Variants in ZC3H11A observed in about 807,000 individuals in gnomAD.
ZC3H11A encodes zinc finger CCCH-type containing 11A.
In ZC3H11A, 22 loss-of-function variants were observed where a neutral mutation model predicts 90.8. The observed-to-expected ratio is 0.24, with a 90% confidence interval of 0.17 to 0.35. The LOEUF is 0.35. Among genes scored for constraint, ZC3H11A ranks in the 10% least tolerant of loss-of-function variants. ZC3H11A has a pLI of 1.00. For synonymous variants in ZC3H11A, 294 were observed against 339.8 expected, an observed-to-expected ratio of 0.87 and a Z score of 1.48; for missense variants, 701 against 964.9, an observed-to-expected ratio of 0.73 and a Z score of 3.62.
At chr1:203,827,307 C>A (rs993043915) in intron 4 of ZC3H11A, among the ~76,000 whole-genome samples, 3 of 151,498 alleles carry the variant, frequency 2.0e-5, no homozygotes, top group African/African-American at 4.8e-5. Flanking sequence ...GGACATACAT[C>A]CTATGATTCA....
intron 1 of ZC3H11A, chr1:203,796,657 G>T (rs1404684765): frequency 2.6e-6 from 1 of 390,374 alleles, no homozygotes; most frequent in Middle Eastern, 6.4e-4. Context: ...AATGGAAGTG[G>T]TTTAAAGTTC....
intron 1 of ZC3H11A, chr1:203,800,266 C>T: frequency 9.6e-7 from 1 of 1,045,290 alleles, no homozygotes. Context: ...AGTTGGCAAT[C>T]TGAATGTATC....
At chr1:203,824,148 G>A (rs1438156463) in intron 4 of ZC3H11A, among the ~76,000 whole-genome samples, 1 of 151,914 alleles carries the variant, frequency 6.6e-6, no homozygotes, top group Non-Finnish European at 1.5e-5. Flanking sequence ...CAGCCATGTA[G>A]TCCCAGCTAC....
intron 3 of ZC3H11A, among the ~76,000 whole-genome samples, chr1:203,818,168 G>A (rs1235836861): frequency 6.6e-6 from 1 of 152,086 alleles, no homozygotes; most frequent in African/African-American, 2.4e-5. Flanking sequence ...ATGCAGTGGA[G>A]CACAGTTATA....
chr1:203,840,752 G>C (rs531444967), intron 12 of ZC3H11A, among the ~76,000 whole-genome samples: 47 of 152,038 alleles, frequency 3.1e-4, no homozygotes, highest in African/African-American at 1.1e-3. Flanking sequence ...CCCTGCCTCA[G>C]CCTACCGAGT....
intron 9 of ZC3H11A, among the ~76,000 whole-genome samples, chr1:203,832,722 A>T (rs1355202162): frequency 6.6e-6 from 1 of 152,198 alleles, no homozygotes; most frequent in Non-Finnish European, 1.5e-5. Flanking sequence ...ATATAGATAT[A>T]TTTAAATGTT....
At position 203,835,848 on chromosome 1, in the gene ZC3H11A, C is replaced by A. The variant is rs11803892; in HGVS notation, c.874+1995C>A. On this transcript the variant is annotated intron_variant, in intron 10 of 17. Transcript: ENST00000367210. ...AATTTTAAGAAAAGCTATGTGCTCC[C>A]TTTTTTTCCGGAGACCCCACTTATA... 1.2e-3 allele frequency: 297 copies of A among 241,754 alleles called. 2 individuals carry two copies. Among genetic ancestry groups the A allele is most frequent in the African/African-American group, 6.4e-3 (278 of 43,120 alleles). 15.0% of individuals were successfully genotyped at this position (241,754 alleles called of 1,614,324 possible).
At chr1:203,807,472 GT>G (rs1304392868) in intron 2 of ZC3H11A, among the ~76,000 whole-genome samples, 1 of 150,984 alleles carries the variant, frequency 6.6e-6, no homozygotes, top group Admixed American at 6.6e-5. Context: ...TATTATGACT[GT>G]TTTTTGGGTT....
At chr1:203,800,562 G>T (rs1233040245) in intron 1 of ZC3H11A, 4 of 1,101,498 alleles carry the variant, frequency 3.6e-6, no homozygotes, top group Non-Finnish European at 4.8e-6. Context: ...AAACACATCT[G>T]GGGAAACCTG....
At chr1:203,800,196 A>G in intron 1 of ZC3H11A, 1 of 1,512,418 alleles carries the variant, frequency 6.6e-7, no homozygotes, top group Non-Finnish European at 8.9e-7. Flanking sequence ...GCAGAGGAAG[A>G]TAAGCATATG....
At chr1:203,845,873 A>C (rs1465276800) in intron 12 of ZC3H11A, among the ~76,000 whole-genome samples, 1 of 152,160 alleles carries the variant, frequency 6.6e-6, no homozygotes, top group Non-Finnish European at 1.5e-5. Context: ...CTCAAAAAAC[A>C]AGCAAACAAA....
At chr1:203,807,377 C>T (rs567448069) in intron 2 of ZC3H11A, among the ~76,000 whole-genome samples, 2 of 152,288 alleles carry the variant, frequency 1.3e-5, no homozygotes, top group Middle Eastern at 3.4e-3. Context: ...CCTCAAACTC[C>T]TGGGCTCAAG....
intron 2 of ZC3H11A, chr1:203,805,786 A>AGG: frequency 2.8e-6 from 2 of 713,814 alleles, no homozygotes; most frequent in Non-Finnish European, 2.6e-6. Flanking sequence ...CTCTGCTTCT[A>AGG]GGTTGTCTTC....
rs977293086 is a variant in ZC3H11A at position 203,820,418 on chromosome 1, C to A, written c.174+1729C>A. On this transcript the variant is annotated intron_variant, in intron 4 of 17. Transcript: ENST00000367210. ...TCAATTTGGGTTTGTTTGTATTCCC[C>A]CTCATTACTAAATTAAGATTATATA... Among the ~76,000 whole-genome samples the A allele has an allele frequency of 2.0e-5, 3 of 149,120 alleles. No homozygotes were observed. The South Asian group carries it at 6.4e-4, about 32-fold the overall frequency.
At chr1:203,850,202 T>G in intron 15 of ZC3H11A, 176 bp downstream of exon 15, 1 of 683,400 alleles carries the variant, frequency 1.5e-6, no homozygotes, top group Non-Finnish European at 2.5e-6. Flanking sequence ...TGAATTCTTT[T>G]CTCAGAATTT....
At chr1:203,847,733 T>A in intron 13 of ZC3H11A, 46 bp downstream of exon 13, 1 of 1,576,620 alleles carries the variant, frequency 6.3e-7, no homozygotes, top group Non-Finnish European at 8.6e-7. Context: ...CACATAATAT[T>A]CCAGAGGAGT....
chr1:203,830,768 C>T (rs970950878), intron 8 of ZC3H11A, among the ~76,000 whole-genome samples: 1 of 151,802 alleles, frequency 6.6e-6, no homozygotes, highest in Non-Finnish European at 1.5e-5. Context: ...GAGATCGCAC[C>T]ATTGTATTCC....
At chr1:203,831,859 T>C (rs1682493533) in intron 9 of ZC3H11A, 88 bp downstream of exon 9, 1 of 1,116,248 alleles carries the variant, frequency 9.0e-7, no homozygotes, top group Non-Finnish European at 1.3e-6. Context: ...TTACCTTTGA[T>C]GAATTTTCAG....
At chr1:203,795,922 T>TC (rs1668254195) in intron 1 of ZC3H11A, 128 bp downstream of exon 1, 8 of 151,520 alleles carry the variant, frequency 5.3e-5, no homozygotes, top group African/African-American at 1.9e-4. Flanking sequence ...TCAGAGCGGA[T>TC]CCTTCAGCTT....
Sources: allele counts gnomAD v4.1 joint callset (sites outside exome capture counted in the v4.1 genomes callset), GRCh38; gene constraint gnomAD v4.1.1; transcripts MANE v1.5; gene names NCBI Gene and HGNC (gene_info 2026-07-23, HGNC 2026-07-21).